Variants in ABL1 observed in about 807,000 individuals in gnomAD.
ABL1 encodes the protein tyrosine-protein kinase ABL1.
Under a neutral mutation model 94.7 loss-of-function variants are expected in ABL1, and 11 were observed. That is an observed-to-expected ratio of 0.12 (90% confidence interval 0.07 to 0.19). The LOEUF (loss-of-function observed/expected upper bound fraction) is 0.19. Ranked by LOEUF, ABL1 falls within the 10% of genes least tolerant of loss-of-function variation. The pLI, the probability that ABL1 is intolerant of heterozygous loss-of-function variation, is 1.00. For missense variants in ABL1, 1,082 were observed against 1,489.4 expected (o/e 0.73, Z 4.50); for synonymous variants, 656 against 622.4 (o/e 1.05, Z -0.80).
intron 1 of ABL1, among the ~76,000 whole-genome samples, chr9:130,818,332 T>C (rs1830316010): frequency 6.6e-6 from 1 of 152,128 alleles, no homozygotes; most frequent in Non-Finnish European, 1.5e-5. Context: ...TAGCCATACA[T>C]CGTGGCGCAT....
chr9:130,872,348 G>A lies in ABL1; in HGVS notation c.907+135G>A, dbSNP rs144980979. On this transcript the variant is annotated intron_variant, in intron 5 of 10. Transcript: ENST00000318560. The surrounding 1 kb of genome is among the most constrained non-coding windows in gnomAD (Gnocchi z 5.0). ...ATTTGTGCTCTGCCGACGTTCAGCC[G>A]CGGGTAAAATGAGGCCTGTATGGGA... The A allele has an allele frequency of 3.4e-4, 260 of 764,192 alleles. No homozygotes were observed. Among genetic ancestry groups the A allele is most frequent in the African/African-American group, 3.0e-3 (175 of 57,498 alleles). The allele number at this position is 764,192 out of a possible 1,614,324, so 47.3% of individuals were successfully genotyped here.
chr9:130,717,258 G>A (rs968929099), intron 1 of ABL1, among the ~76,000 whole-genome samples: 1 of 152,012 alleles, frequency 6.6e-6, no homozygotes, highest in Non-Finnish European at 1.5e-5. Flanking sequence ...AGCCAGGCTG[G>A]TCTTGAACTC....
upstream of ABL1, among the ~76,000 whole-genome samples, chr9:130,833,669 T>C (rs542572080): frequency 2.0e-5 from 3 of 152,166 alleles, no homozygotes; most frequent in Non-Finnish European, 4.4e-5. Context: ...AAATACATGT[T>C]GTATGTTGAT....
At chr9:130,839,909 A>C (rs1588261450) in intron 1 of ABL1, among the ~76,000 whole-genome samples, 1 of 152,142 alleles carries the variant, frequency 6.6e-6, no homozygotes, top group Admixed American at 6.6e-5. Context: ...GCCAGTCTGG[A>C]CCCAAATGCC....
At chr9:130,865,714 C>G (rs1204595002) in intron 4 of ABL1, among the ~76,000 whole-genome samples, 1 of 147,870 alleles carries the variant, frequency 6.8e-6, no homozygotes, top group Non-Finnish European at 1.5e-5. Context: ...CCACTGCACT[C>G]CTACCTGGGG....
intron 1 of ABL1, among the ~76,000 whole-genome samples, chr9:130,744,388 G>T (rs865910027): frequency 1.4e-4 from 21 of 150,852 alleles, no homozygotes; most frequent in African/African-American, 5.1e-4. Flanking sequence ...TGATCCACCC[G>T]CCTCGGCCTC....
chr9:130,764,842 G>A (rs1832160261), intron 1 of ABL1, among the ~76,000 whole-genome samples: 1 of 152,042 alleles, frequency 6.6e-6, no homozygotes, highest in South Asian at 2.1e-4. Flanking sequence ...TGTAATCCCA[G>A]CTAATTGGGA....
chr9:130,736,014 G>A (rs1208171808), intron 1 of ABL1, among the ~76,000 whole-genome samples: 2 of 145,784 alleles, frequency 1.4e-5, no homozygotes, highest in Non-Finnish European at 3.0e-5. Context: ...GGAGTGCAGT[G>A]GCATGACCTC....
At chr9:130,804,753 A>G (rs1053967183) in intron 1 of ABL1, among the ~76,000 whole-genome samples, 12 of 152,234 alleles carry the variant, frequency 7.9e-5, no homozygotes, top group African/African-American at 2.9e-4. Context: ...AAATCACGAG[A>G]AGTTAAGCCC....
chr9:130,764,106 G>A (rs568711353), intron 1 of ABL1, among the ~76,000 whole-genome samples: 12 of 152,272 alleles, frequency 7.9e-5, no homozygotes, highest in African/African-American at 2.6e-4. Context: ...TCCTGAGTGG[G>A]AAGGCACTGC....
At chr9:130,855,292 A>G (rs1830956062) in intron 3 of ABL1, among the ~76,000 whole-genome samples, 196 bp downstream of exon 3, 1 of 152,156 alleles carries the variant, frequency 6.6e-6, no homozygotes, top group Non-Finnish European at 1.5e-5. Context: ...AGTTCCTGGG[A>G]CTGGTATGAT....
intron 1 of ABL1, among the ~76,000 whole-genome samples, chr9:130,749,233 T>G (rs1268272849): frequency 2.6e-5 from 4 of 152,202 alleles, no homozygotes; most frequent in African/African-American, 9.6e-5. Context: ...GAGGGGAAAT[T>G]AATGCTGGTG....
chr9:130,886,381 G>C lies in ABL1; in HGVS notation c.*698G>C, dbSNP rs1831584863. The stretch of plus-strand genomic sequence containing the variant: ...CAGGTGGGAGCTGAAAAGGATCGAG[G>C]CATGGGGCATGTCCTTTCCATCTGT... On this transcript the variant is annotated 3_prime_UTR_variant, in exon 11 of 11. Coordinates refer to ENST00000318560, the MANE Select transcript of ABL1 (RefSeq NM_005157.6). 1 of 233,914 alleles carries C rather than the reference G, an allele frequency of 4.3e-6. No homozygotes were observed. Among genetic ancestry groups the C allele is most frequent in the South Asian group, 1.8e-4 (1 of 5,538 alleles). 14.5% of individuals were successfully genotyped at this position (233,914 alleles called of 1,614,324 possible). A position where few individuals can be genotyped will look rare whatever the true frequency, so the allele number is the denominator to read the frequency against.
At chr9:130,754,397 A>G (rs1225307735) in intron 1 of ABL1, among the ~76,000 whole-genome samples, 1 of 150,216 alleles carries the variant, frequency 6.7e-6, no homozygotes, top group Admixed American at 6.7e-5. Context: ...AGTCCCAGCT[A>G]CTCGGGAGGC....
intron 1 of ABL1, among the ~76,000 whole-genome samples, chr9:130,809,409 AGAGAGAGAGTGTGTGT>A (rs1234440476): frequency 8.8e-5 from 11 of 125,370 alleles, no homozygotes; most frequent in African/African-American, 2.8e-4. Context: ...AGAGAGAGAG[AGAGAGAGAGTGTGTGT>A]GTGTGTGTGT....
chr9:130,870,296 AT>A (rs143643660), intron 4 of ABL1, among the ~76,000 whole-genome samples: 2,877 of 152,316 alleles, frequency 0.019, 93 homozygotes, highest in African/African-American at 0.066. Flanking sequence ...TTCCTTTTGC[AT>A]GTACATACCT....
At chr9:130,773,785 A>C (rs1013365881) in intron 1 of ABL1, among the ~76,000 whole-genome samples, 1 of 151,998 alleles carries the variant, frequency 6.6e-6, no homozygotes, top group Non-Finnish European at 1.5e-5. Flanking sequence ...CCGGCTCCCC[A>C]ATAGTTTTAT....
chr9:130,786,708 C>A (rs975369793), intron 1 of ABL1, among the ~76,000 whole-genome samples: 1 of 152,180 alleles, frequency 6.6e-6, no homozygotes, highest in African/African-American at 2.4e-5. Flanking sequence ...TTCCCTAGTG[C>A]GGCAAGCAGC....
intron 1 of ABL1, among the ~76,000 whole-genome samples, chr9:130,847,578 T>C (rs757565808): frequency 2.0e-5 from 3 of 152,184 alleles, no homozygotes; most frequent in Non-Finnish European, 2.9e-5. Flanking sequence ...ACATTGTGAG[T>C]CAATTTTGAC....
Sources: allele counts gnomAD v4.1 joint callset (sites outside exome capture counted in the v4.1 genomes callset), GRCh38; gene constraint gnomAD v4.1.1; non-coding constraint Gnocchi (gnomAD v3.1); transcripts MANE v1.5; gene names NCBI Gene and HGNC (gene_info 2026-07-23, HGNC 2026-07-21).